LRRTM3: variants seen among roughly 807,000 people sequenced by gnomAD.
LRRTM3 encodes the protein leucine-rich repeat transmembrane neuronal protein 3.
In LRRTM3, 24 loss-of-function variants were observed where a neutral mutation model predicts 44.7. The ratio of observed to expected loss-of-function variants is 0.54; its 90% CI spans 0.39 to 0.76. LRRTM3 has a LOEUF of 0.76. LRRTM3 is among the 30% of genes least tolerant of loss of function. The pLI, the probability that LRRTM3 is intolerant of heterozygous loss-of-function variation, is 0.00. For synonymous variants in LRRTM3, 277 were observed against 278.7 expected (o/e 0.99, Z 0.06); for missense variants, 587 against 702.2 (o/e 0.84, Z 1.85).
At chr10:67,029,902 T>C (rs1853616649) in intron 2 of LRRTM3, among the ~76,000 whole-genome samples, 1 of 152,186 alleles carries the variant, frequency 6.6e-6, no homozygotes, top group Admixed American at 6.5e-5. Context: ...CACTGGACAA[T>C]CCAGATATAG....
chr10:67,038,709 G>A (rs1854215085), intron 2 of LRRTM3, among the ~76,000 whole-genome samples: 1 of 151,950 alleles, frequency 6.6e-6, no homozygotes, highest in Admixed American at 6.6e-5. Context: ...CAATTAACAG[G>A]GTTAACAGTC....
chr10:66,996,216 A>G (rs1406369764), intron 2 of LRRTM3, among the ~76,000 whole-genome samples: 1 of 152,210 alleles, frequency 6.6e-6, no homozygotes, highest in African/African-American at 2.4e-5. Context: ...TTATATAATT[A>G]GAGATGTTAA....
intron 2 of LRRTM3, among the ~76,000 whole-genome samples, chr10:66,957,650 TAATCCAGC>T (rs1848897351): frequency 6.6e-6 from 1 of 151,564 alleles, no homozygotes. Context: ...TCAAGAAAGT[TAATCCAGC>T]AAACCTTTGC....
intron 2 of LRRTM3, among the ~76,000 whole-genome samples, chr10:67,070,091 C>T (rs371492285): frequency 6.6e-6 from 1 of 152,080 alleles, no homozygotes; most frequent in Non-Finnish European, 1.5e-5. Context: ...TAGTCATTCT[C>T]GTCAGTGTGT....
chr10:66,941,744 G>A (rs545394823), intron 2 of LRRTM3, among the ~76,000 whole-genome samples: 1 of 152,294 alleles, frequency 6.6e-6, no homozygotes, highest in East Asian at 1.9e-4. Flanking sequence ...CGCGTGAGCT[G>A]AGTGTGGCTG....
At chr10:66,958,041 G>C (rs559669028) in intron 2 of LRRTM3, among the ~76,000 whole-genome samples, 2 of 152,134 alleles carry the variant, frequency 1.3e-5, no homozygotes, top group African/African-American at 4.8e-5. Context: ...GCCAAAAGCA[G>C]TTATTGAACA....
chr10:67,009,580 G>A (rs1397875036), intron 2 of LRRTM3, among the ~76,000 whole-genome samples: 1 of 151,742 alleles, frequency 6.6e-6, no homozygotes, highest in East Asian at 1.9e-4. Flanking sequence ...TTCCCTGAGC[G>A]AATGGGTAAT....
chr10:67,022,252 G>A (rs1289173520), intron 2 of LRRTM3, among the ~76,000 whole-genome samples: 1 of 152,094 alleles, frequency 6.6e-6, no homozygotes, highest in Non-Finnish European at 1.5e-5. Context: ...AAGCACTCTG[G>A]AAATGAATAG....
intron 2 of LRRTM3, among the ~76,000 whole-genome samples, chr10:67,055,532 G>A (rs541928375): frequency 3.5e-4 from 54 of 152,294 alleles, no homozygotes; most frequent in African/African-American, 1.2e-3. Context: ...AGGAGACAAT[G>A]CCATTTGCAG....
In LRRTM3 at chr10:66,928,529, A is replaced by G. The variant is rs1847201466; in HGVS notation, c.1536+77A>G. The G allele has an allele frequency of 3.6e-6, 5 of 1,370,840 alleles. No individual in the cohort carries two copies. In the East Asian group the frequency reaches 1.2e-4, roughly 32 times the overall value. 84.9% of individuals were successfully genotyped at this position (1,370,840 alleles called of 1,614,324 possible). On this transcript the variant is annotated intron_variant, in intron 2 of 2. Transcript: ENST00000361320. ...GCTTTATTGAACTCTGGTGACTATC[A>G]AGGGAACGCGATGCCCCCCCTCCCC...
intron 2 of LRRTM3, among the ~76,000 whole-genome samples, chr10:67,043,165 A>C (rs1178412019): frequency 7.1e-6 from 1 of 141,350 alleles, no homozygotes; most frequent in East Asian, 2.1e-4. Flanking sequence ...GTGCAATAAG[A>C]TCTGGGTCCA....
At chr10:66,971,290 G>A (rs1320882636) in intron 2 of LRRTM3, among the ~76,000 whole-genome samples, 1 of 152,064 alleles carries the variant, frequency 6.6e-6, no homozygotes, top group East Asian at 1.9e-4. Context: ...GCTGGGCATG[G>A]TTGTGTGAGC....
At position 67,031,255 on chromosome 10, in the gene LRRTM3, T is replaced by C. The variant is rs144676250; in HGVS notation, c.1537-66332T>C. Among the ~76,000 whole-genome samples the C allele has an allele frequency of 2.6e-3, 392 of 152,282 alleles. 3 individuals carry two copies. The highest frequency in any genetic ancestry group is 8.9e-3 in the African/African-American group (371 of 41,562). The stretch of plus-strand genomic sequence containing the variant: ...TGTCTAGGTCCTTTCCTAGTAAAAC[T>C]GTTCAACATCAAATGAGGTAGAAAT... On this transcript the variant is annotated intron_variant, in intron 2 of 2. Coordinates refer to ENST00000361320, the MANE Select transcript of LRRTM3 (RefSeq NM_178011.5).
intron 2 of LRRTM3, among the ~76,000 whole-genome samples, chr10:67,010,600 C>T (rs985562426): frequency 3.9e-5 from 6 of 152,144 alleles, no homozygotes; most frequent in African/African-American, 1.4e-4. Flanking sequence ...AAAACAGAAG[C>T]ATCTTTACCA....
chr10:66,927,303 C>A lies in LRRTM3; in HGVS notation c.387C>A (p.Phe129Leu). Residue 129 changes from phenylalanine (F) to leucine (L), a missense_variant, in exon 2 of 3, where the codon TTC becomes TTA. Around this residue, in one of 3 missense-constraint regions of LRRTM3, gnomAD observed 222 missense variants for 323.3 expected, o/e 0.69. Transcript: ENST00000361320. The surrounding 1 kb of genome is among the most constrained non-coding windows in gnomAD (Gnocchi z 4.7). The stretch of plus-strand genomic sequence containing the variant: ...TCTCCTATTTTCTTAACAATACCTT[C>A]AGACCTGTGACAAATTTACGGAACT... ...NRISYFLNNT[F>L]RPVTNLRNLD... The A allele has an allele frequency of 6.2e-7, 1 of 1,614,152 alleles. No homozygotes were observed.
chr10:67,029,595 T>G (rs555427310), intron 2 of LRRTM3, among the ~76,000 whole-genome samples: 2 of 152,342 alleles, frequency 1.3e-5, no homozygotes, highest in Non-Finnish European at 2.9e-5. Flanking sequence ...TATTTAAAAC[T>G]TACGTAGGTT....
chr10:67,016,999 T>C (rs7897274), intron 2 of LRRTM3, among the ~76,000 whole-genome samples: 137,661 of 152,142 alleles, frequency 0.9, 62,683 homozygotes, highest in Middle Eastern at 0.98. Context: ...CTTCTATATA[T>C]GAGAAGAACC....
rs1422837200 is a variant in LRRTM3, at chr10:66,966,507, TTTCAGATTATTC to T, written c.1536+38056_1536+38067del. Among the ~76,000 whole-genome samples the T allele has an allele frequency of 4.1e-3, 629 of 152,178 alleles. 35 individuals carry two copies. In the East Asian group the frequency reaches 0.1, roughly 25 times the overall value. ...TATATTTTTTTTTTCAGGATATACC[TTTCAGATTATTC>T]AAAGAAATAGCTAAAAATGAGCTAT... On this transcript the variant is annotated intron_variant, in intron 2 of 2. Coordinates refer to ENST00000361320, the MANE Select transcript of LRRTM3 (RefSeq NM_178011.5).
chr10:66,982,937 G>A (rs1280278341), intron 2 of LRRTM3, among the ~76,000 whole-genome samples: 4 of 152,124 alleles, frequency 2.6e-5, no homozygotes, highest in African/African-American at 9.7e-5. Context: ...TAAGCAGACT[G>A]TCTGCAGAGG....
Sources: allele counts gnomAD v4.1 joint callset (sites outside exome capture counted in the v4.1 genomes callset), GRCh38; gene constraint gnomAD v4.1.1; regional missense constraint gnomAD v4.1.1; non-coding constraint Gnocchi (gnomAD v3.1); transcripts MANE v1.5; gene names NCBI Gene and HGNC (gene_info 2026-07-23, HGNC 2026-07-21).